Variants in WDR20 observed in about 807,000 individuals in gnomAD.
WDR20 encodes WD repeat domain 20, also known as WD repeat-containing protein 20.
A neutral mutation model predicts 38.7 loss-of-function variants in WDR20; 3 were observed. The observed-to-expected ratio is 0.08, with a 90% confidence interval of 0.04 to 0.20. The LOEUF (loss-of-function observed/expected upper bound fraction) is 0.20, where lower values mean the gene tolerates loss of function less well. Ranked by LOEUF, WDR20 falls within the 10% of genes least tolerant of loss-of-function variation. The probability of loss-of-function intolerance (pLI) is 1.00; values close to 1 mark genes in which losing one functional copy is unlikely to be tolerated. For synonymous variants in WDR20, 298 were observed against 285.6 expected (o/e 1.04, Z -0.44); for missense variants, 559 against 727.7 (o/e 0.77, Z 2.67).
At chr14:102,155,473 G>A (rs1021687390) in intron 1 of WDR20, among the ~76,000 whole-genome samples, 4 of 152,160 alleles carry the variant, frequency 2.6e-5, no homozygotes, top group African/African-American at 9.7e-5. Context: ...TGGGAGAGCA[G>A]TGTGGGAATT....
intron 1 of WDR20, 64 bp from the exon 2 acceptor site, chr14:102,194,874 C>T: frequency 2.0e-6 from 3 of 1,499,578 alleles, no homozygotes; most frequent in Non-Finnish European, 2.7e-6. Flanking sequence ...TATAAAGTAG[C>T]ATAACTTAGA....
downstream of WDR20, chr14:102,214,245 C>G (rs1488304185): frequency 9.3e-6 from 9 of 968,686 alleles, no homozygotes; most frequent in Non-Finnish European, 9.8e-6. Context: ...GCCTGCAGGG[C>G]CCCCCCTTGT....
intron 1 of WDR20, among the ~76,000 whole-genome samples, chr14:102,150,182 T>G (rs1452796665): frequency 6.6e-6 from 1 of 152,138 alleles, no homozygotes; most frequent in African/African-American, 2.4e-5. Context: ...ATTTACAAAG[T>G]AAGAATCAGG....
At chr14:102,141,435 A>G (rs755579293) in intron 1 of WDR20, among the ~76,000 whole-genome samples, 1 of 151,858 alleles carries the variant, frequency 6.6e-6, no homozygotes, top group Non-Finnish European at 1.5e-5. Context: ...TAATAAGTGT[A>G]CCACTGTATT....
chr14:102,161,296 G>A (rs1290074643), intron 1 of WDR20, among the ~76,000 whole-genome samples: 1 of 148,576 alleles, frequency 6.7e-6, no homozygotes, highest in African/African-American at 2.5e-5. Context: ...AATTACAGGT[G>A]CCTAGCACCA....
At chr14:102,150,347 G>A (rs1595875690) in intron 1 of WDR20, among the ~76,000 whole-genome samples, 3 of 152,052 alleles carry the variant, frequency 2.0e-5, no homozygotes, top group East Asian at 1.9e-4. Context: ...GGTGGTGTGC[G>A]CCTGTAGTCC....
rs550215017 is a variant in WDR20 at position 102,149,358 on chromosome 14, A to G, written c.249+9186A>G. The stretch of plus-strand genomic sequence containing the variant: ...TTTTGTATTTATCATTATAATACAA[A>G]GTAGAGGATATGTGCTCTGCATGTG... On this transcript the variant is annotated intron_variant, in intron 1 of 2. Coordinates refer to ENST00000342702, the MANE Select transcript of WDR20 (RefSeq NM_144574.4). Among the ~76,000 whole-genome samples, 4 of 152,286 alleles carry G rather than the reference A, an allele frequency of 2.6e-5. No homozygotes were observed. In the East Asian group the frequency reaches 5.8e-4, roughly 22 times the overall value.
intron 1 of WDR20, chr14:102,171,248 C>CCT (rs147764722): frequency 0.61 from 78,773 of 130,044 alleles, 27,479 homozygotes; most frequent in East Asian, 0.91. Flanking sequence ...CTGCGCCTGG[C>CCT]CTCTCTCTTT....
chr14:102,168,991 A>G (rs2060305250), intron 1 of WDR20, among the ~76,000 whole-genome samples: 1 of 152,220 alleles, frequency 6.6e-6, no homozygotes, highest in Non-Finnish European at 1.5e-5. Flanking sequence ...AAACTTTCTA[A>G]TGTGTTTCTA....
intron 1 of WDR20, among the ~76,000 whole-genome samples, chr14:102,172,657 A>C (rs1177982996): frequency 1.1e-5 from 1 of 94,962 alleles, no homozygotes; most frequent in Non-Finnish European, 2.3e-5. Flanking sequence ...CTGGCCGGGC[A>C]GGGGGCTGAC....
chr14:102,193,266 A>G (rs1048017754), intron 1 of WDR20, among the ~76,000 whole-genome samples: 3 of 151,882 alleles, frequency 2.0e-5, no homozygotes, highest in African/African-American at 7.3e-5. Flanking sequence ...GTCCGTGGCC[A>G]TCGTCCCAGG....
At chr14:102,214,002 C>G, downstream of WDR20, 1 of 985,410 alleles carries the variant, frequency 1.0e-6, no homozygotes, top group Non-Finnish European at 1.2e-6. Context: ...GAGGGCATGG[C>G]GGGGGATCCG....
chr14:102,175,279 T>G (rs1257810712), intron 1 of WDR20, among the ~76,000 whole-genome samples: 1 of 152,216 alleles, frequency 6.6e-6, no homozygotes, highest in Non-Finnish European at 1.5e-5. Flanking sequence ...GCTTACCAAT[T>G]ATCCCAGCAC....
chr14:102,215,026 C>CTA, downstream of WDR20: 1 of 972,240 alleles, frequency 1.0e-6, no homozygotes, highest in Non-Finnish European at 1.2e-6. Flanking sequence ...TTTCAGTAGT[C>CTA]ATTTTCACAT....
rs2061505465 is a variant in WDR20 at position 102,173,856 on chromosome 14, A to G, written c.250-21082A>G. On this transcript the variant is annotated intron_variant, in intron 1 of 2. Transcript: ENST00000342702. ...TCAGGAGATCGAGACCATCCTGGCTAACATGCTGAAACCCCATCTCTACTA... is the reference window on the plus strand; with the variant it reads ...TCAGGAGATCGAGACCATCCTGGCTGACATGCTGAAACCCCATCTCTACTA... 4.6e-5 allele frequency among the ~76,000 whole-genome samples: 7 copies of G among 152,196 alleles called. No individual in the cohort carries two copies. In the South Asian group the frequency reaches 8.3e-4, roughly 18 times the overall value.
downstream of WDR20, among the ~76,000 whole-genome samples, chr14:102,215,219 A>C (rs2063071942): frequency 6.6e-6 from 1 of 152,190 alleles, no homozygotes; most frequent in African/African-American, 2.4e-5. Flanking sequence ...ATACTGTTTT[A>C]TGTGGTCCTC....
intron 1 of WDR20, among the ~76,000 whole-genome samples, chr14:102,174,257 C>T (rs2061592226): frequency 1.3e-5 from 2 of 151,866 alleles, no homozygotes; most frequent in African/African-American, 4.8e-5. Context: ...GGGTAGATAC[C>T]CTGTGGTGGG....
chr14:102,188,283 G>T (rs1321218359), intron 1 of WDR20, among the ~76,000 whole-genome samples: 1 of 152,136 alleles, frequency 6.6e-6, no homozygotes, highest in Non-Finnish European at 1.5e-5. Context: ...GCTTCCCAAA[G>T]CCCCCTACTG....
downstream of WDR20, among the ~76,000 whole-genome samples, chr14:102,216,166 G>A (rs934133392): frequency 6.6e-6 from 1 of 152,216 alleles, no homozygotes; most frequent in African/African-American, 2.4e-5. Context: ...AGAGCCTCCA[G>A]TGCTGAACTA....
Sources: gnomAD v4.1 joint callset for allele counts (sites outside exome capture counted in the v4.1 genomes callset) on GRCh38, gnomAD v4.1.1 for gene constraint, MANE v1.5 for transcripts, NCBI Gene and HGNC (gene_info 2026-07-23, HGNC 2026-07-21) for gene names.